ATG4C: variants seen among roughly 807,000 people sequenced by gnomAD.
ATG4C encodes cysteine protease ATG4C.
In ATG4C, 56 loss-of-function variants were observed where a neutral mutation model predicts 57.6. The observed-to-expected ratio is 0.97, with a 90% CI of 0.78 to 1.21. The LOEUF is 1.21. Ranked by LOEUF, ATG4C falls within the 50% of genes most tolerant of loss-of-function variation. ATG4C has a pLI of 0.00. For missense variants in ATG4C, 595 were observed against 529.8 expected, an observed-to-expected ratio of 1.12 and a Z score of -1.21; for synonymous variants, 157 against 174.1, an observed-to-expected ratio of 0.90 and a Z score of 0.78.
chr1:62,861,643 A>G (rs1303111040), intron 10 of ATG4C, among the ~76,000 whole-genome samples: 1 of 151,354 alleles, frequency 6.6e-6, no homozygotes, highest in African/African-American at 2.4e-5. Flanking sequence ...ACACAAACAC[A>G]TGAGAAAAAT....
chr1:62,840,404 A>G (rs1487382962), intron 9 of ATG4C, among the ~76,000 whole-genome samples: 11 of 152,176 alleles, frequency 7.2e-5, no homozygotes, highest in Admixed American at 3.9e-4. Context: ...CTCTCCCTTT[A>G]CCACAGACTT....
chr1:62,813,424 T>C (rs6657235), intron 3 of ATG4C, among the ~76,000 whole-genome samples: 73,296 of 152,002 alleles, frequency 0.48, 18,018 homozygotes, highest in East Asian at 0.67. Context: ...TGGAACCCTT[T>C]CTTACACCTT....
intron 3 of ATG4C, among the ~76,000 whole-genome samples, chr1:62,814,387 T>C (rs948870740): frequency 3.3e-5 from 5 of 151,632 alleles, no homozygotes; most frequent in African/African-American, 1.2e-4. Context: ...TAAGTGGGAG[T>C]TGAACAATGA....
chr1:62,816,034 G>A (rs1480556700), intron 3 of ATG4C, among the ~76,000 whole-genome samples: 5 of 152,166 alleles, frequency 3.3e-5, no homozygotes, highest in African/African-American at 1.2e-4. Flanking sequence ...ATAGATGTGA[G>A]CCACCATGCC....
At chr1:62,849,475 C>G (rs887619601) in intron 10 of ATG4C, among the ~76,000 whole-genome samples, 6 of 151,804 alleles carry the variant, frequency 4.0e-5, no homozygotes, top group African/African-American at 1.5e-4. Flanking sequence ...TTTAATTGCT[C>G]TCAGATGCTT....
rs377361551 is a variant in ATG4C, at chr1:62,829,076, C to G, written c.833C>G (p.Ser278Cys). 5.0e-6 allele frequency: 8 copies of G among 1,612,454 alleles called. No homozygotes were observed. Among genetic ancestry groups the G allele is most frequent in the Non-Finnish European group, 5.9e-6 (7 of 1,178,996 alleles). Reference protein sequence around the residue: ...NSDVIDKQSASMTSDNADDKA... With the variant: ...NSDVIDKQSACMTSDNADDKA... ...GATGTAATTGATAAACAGAGTGCTT[C>G]CATGACTTCTGATAATGCAGATGAC... Residue 278 changes from serine (S) to cysteine (C), a missense_variant, in exon 7 of 11, where the codon TCC (serine) becomes TGC (cysteine). Ser to Cys is a moderately radical substitution (Grantham distance 112). Transcript: ENST00000317868.
intron 2 of ATG4C, among the ~76,000 whole-genome samples, chr1:62,804,682 A>G (rs1664799560): frequency 6.6e-6 from 1 of 152,186 alleles, no homozygotes; most frequent in Non-Finnish European, 1.5e-5. Flanking sequence ...TAAGGAGTAT[A>G]TGGCTATTTT....
chr1:62,861,193 A>T (rs1215521367), intron 10 of ATG4C, among the ~76,000 whole-genome samples: 1 of 152,124 alleles, frequency 6.6e-6, no homozygotes, highest in Non-Finnish European at 1.5e-5. Flanking sequence ...AGTTACCTTA[A>T]ATTTTTTTTA....
intron 7 of ATG4C, among the ~76,000 whole-genome samples, chr1:62,830,205 A>G (rs963995939): frequency 1.3e-5 from 2 of 152,164 alleles, no homozygotes; most frequent in African/African-American, 4.8e-5. Context: ...GTAATATATC[A>G]ATGACATATT....
At chr1:62,853,854 A>T (rs1666595625) in intron 10 of ATG4C, among the ~76,000 whole-genome samples, 1 of 152,200 alleles carries the variant, frequency 6.6e-6, no homozygotes, top group Non-Finnish European at 1.5e-5. Flanking sequence ...TGTCTTTGAA[A>T]TTAAAAATAA....
At chr1:62,832,547 A>G (rs1445917808) in intron 7 of ATG4C, among the ~76,000 whole-genome samples, 2 of 152,164 alleles carry the variant, frequency 1.3e-5, no homozygotes, top group Non-Finnish European at 2.9e-5. Context: ...TTATAGCAAC[A>G]TTGAGATTTT....
At chr1:62,844,344 A>G (rs577788010) in intron 10 of ATG4C, among the ~76,000 whole-genome samples, 8 of 152,234 alleles carry the variant, frequency 5.3e-5, no homozygotes, top group Non-Finnish European at 1.2e-4. Context: ...TAACTGGCAT[A>G]TTAAATGTGT....
chr1:62,806,348 T>C (rs1664878088), intron 3 of ATG4C, among the ~76,000 whole-genome samples: 3 of 151,664 alleles, frequency 2.0e-5, no homozygotes, highest in African/African-American at 7.3e-5. Context: ...AGTGCTGTGC[T>C]AAAGAGTTAG....
At chr1:62,855,395 A>G (rs1445156860) in intron 10 of ATG4C, among the ~76,000 whole-genome samples, 1 of 152,130 alleles carries the variant, frequency 6.6e-6, no homozygotes, top group Admixed American at 6.6e-5. Flanking sequence ...AATGATTATT[A>G]AATAATCATT....
At position 62,790,238 on chromosome 1, in the gene ATG4C, A is replaced by G. The variant is rs1243112231; in HGVS notation, c.-69+5965A>G. 7.2e-5 allele frequency among the ~76,000 whole-genome samples: 11 copies of G among 152,304 alleles called. No homozygotes were observed. The East Asian group carries it at 2.1e-3, about 29-fold the overall frequency. On this transcript the variant is annotated intron_variant, in intron 1 of 10. Transcript: ENST00000317868. ...CAACATATACATTTTTTAAGAAATC[A>G]TGAGTTCATAGGATACCTTCAATTC...
chr1:62,853,322 A>G (rs1666577502), intron 10 of ATG4C, among the ~76,000 whole-genome samples: 1 of 152,214 alleles, frequency 6.6e-6, no homozygotes, highest in African/African-American at 2.4e-5. Flanking sequence ...TTCTTTGTGC[A>G]TCAGTTTTCT....
chr1:62,832,937 A>G (rs1408654886), intron 7 of ATG4C, among the ~76,000 whole-genome samples: 1 of 152,188 alleles, frequency 6.6e-6, no homozygotes, highest in African/African-American at 2.4e-5. Flanking sequence ...GATTTCACAT[A>G]TATAAAATTG....
chr1:62,822,421 A>C (rs1369255369), intron 6 of ATG4C, among the ~76,000 whole-genome samples: 1 of 152,184 alleles, frequency 6.6e-6, no homozygotes, highest in Non-Finnish European at 1.5e-5. Context: ...TGCTGTGTTA[A>C]ATAGTTCTAA....
At chr1:62,797,959 A>G (rs527414412) in intron 1 of ATG4C, among the ~76,000 whole-genome samples, 1 of 152,266 alleles carries the variant, frequency 6.6e-6, no homozygotes, top group Admixed American at 6.5e-5. Context: ...AGCTGAGATT[A>G]CAGGCGCGTG....
Sources: allele counts gnomAD v4.1 joint callset (sites outside exome capture counted in the v4.1 genomes callset), GRCh38; gene constraint gnomAD v4.1.1; transcripts MANE v1.5; gene names NCBI Gene and HGNC (gene_info 2026-07-23, HGNC 2026-07-21).